Variants in SLC3A1 observed in about 807,000 individuals in gnomAD.
SLC3A1 encodes amino acid transporter heavy chain SLC3A1.
In SLC3A1, 78 loss-of-function variants were observed where a neutral mutation model predicts 60.3. That is an observed-to-expected ratio of 1.29 (90% confidence interval 1.08 to 1.56). The LOEUF is 1.56. Among genes scored for constraint, SLC3A1 ranks in the 40% most tolerant of loss-of-function variants. The pLI is 0.00. For synonymous variants in SLC3A1, 392 were observed against 307.9 expected (o/e 1.27, Z -2.86); for missense variants, 1,172 against 858.9 (o/e 1.36, Z -4.56).
chr2:44,315,867 G>T (rs866916648), intron 9 of SLC3A1, among the ~76,000 whole-genome samples: 2 of 152,050 alleles, frequency 1.3e-5, no homozygotes, highest in African/African-American at 2.4e-5. Flanking sequence ...TTCTACAAGT[G>T]CATCAAAGAA....
At chr2:44,315,315 G>A (rs1046044004) in intron 9 of SLC3A1, 2 of 151,846 alleles carry the variant, frequency 1.3e-5, no homozygotes, top group African/African-American at 4.8e-5. Flanking sequence ...AAATGACCCT[G>A]GAAAGGAACA....
chr2:44,310,526 C>T (rs1285411882), intron 7 of SLC3A1, among the ~76,000 whole-genome samples: 1 of 152,150 alleles, frequency 6.6e-6, no homozygotes, highest in Non-Finnish European at 1.5e-5. Flanking sequence ...AGACTCCTTA[C>T]ATGTGATGTA....
chr2:44,312,405 C>T (rs996358117), intron 7 of SLC3A1, among the ~76,000 whole-genome samples, 181 bp from the exon 8 acceptor site: 1 of 152,096 alleles, frequency 6.6e-6, no homozygotes, highest in Non-Finnish European at 1.5e-5. Flanking sequence ...CATCAGTGGC[C>T]AAGATAATAA....
At chr2:44,293,241 G>A (rs920693486) in intron 4 of SLC3A1, among the ~76,000 whole-genome samples, 5 of 152,140 alleles carry the variant, frequency 3.3e-5, no homozygotes, top group Non-Finnish European at 7.4e-5. Flanking sequence ...ACACTGGGCT[G>A]GGCACAGTGG....
At chr2:44,290,590 T>C (rs1671720387) in intron 4 of SLC3A1, among the ~76,000 whole-genome samples, 1 of 152,216 alleles carries the variant, frequency 6.6e-6, no homozygotes, top group Non-Finnish European at 1.5e-5. Flanking sequence ...TACGTGTTCT[T>C]TCATTTCTTT....
At chr2:44,314,408 A>T (rs1672375804) in intron 9 of SLC3A1, 1 of 237,296 alleles carries the variant, frequency 4.2e-6, no homozygotes, top group Admixed American at 5.0e-5. Flanking sequence ...CATGATCCTT[A>T]AAGTGGTTGC....
At chr2:44,301,682 C>A (rs993450262) in intron 6 of SLC3A1, among the ~76,000 whole-genome samples, 1 of 132,692 alleles carries the variant, frequency 7.5e-6, no homozygotes, top group Non-Finnish European at 1.5e-5. Flanking sequence ...GAGGTTGCAG[C>A]GAGTCAAGAT....
intron 4 of SLC3A1, among the ~76,000 whole-genome samples, chr2:44,293,536 T>C (rs1451460556): frequency 6.6e-6 from 1 of 151,296 alleles, no homozygotes; most frequent in Non-Finnish European, 1.5e-5. Flanking sequence ...AAAAAAAAGA[T>C]ATAAGGACAC....
At chr2:44,315,826 A>G (rs1672424604) in intron 9 of SLC3A1, among the ~76,000 whole-genome samples, 1 of 152,144 alleles carries the variant, frequency 6.6e-6, no homozygotes, top group African/African-American at 2.4e-5. Context: ...GATCACATGC[A>G]TGGCAGAATT....
chr2:44,281,387 G>C lies in SLC3A1; in HGVS notation c.611G>C (p.Gly204Ala). The C allele has an allele frequency of 6.2e-7, 1 of 1,611,356 alleles. No homozygotes were observed. The highest frequency in any genetic ancestry group is 1.7e-4 in the Middle Eastern group (1 of 6,056). The change falls in exon 3 of 10, where the codon GGT becomes GCT. Residue 204 changes from glycine to alanine, a missense_variant and splice_region_variant. By Grantham distance (60) the Gly-to-Ala change is moderately conservative (BLOSUM62 0). Transcript: ENST00000260649. ...ATTTGAAATGTCTTTTACTCATTAG[G>C]TTTAAAATTAATCATCGATTTCATA... is the stretch of plus-strand genomic sequence containing the variant. The part of the protein sequence containing the change: ...ENLVAAIHDK[G>A]LKLIIDFIPN...
At chr2:44,291,654 C>T (rs1342684639) in intron 4 of SLC3A1, among the ~76,000 whole-genome samples, 1 of 152,170 alleles carries the variant, frequency 6.6e-6, no homozygotes, top group East Asian at 1.9e-4. Flanking sequence ...CCACCTTACC[C>T]CCAGCAGCGC....
chr2:44,321,375 T>C lies in SLC3A1; in HGVS notation c.*736T>C. ...AGTGTTTCAGAATTTCAGGTATTTC[T>C]TAAGATCCTCGAAAACACTGGTGCT... On this transcript the variant is annotated 3_prime_UTR_variant, in exon 10 of 10. Transcript: ENST00000260649. The C allele has an allele frequency of 1.2e-6, 2 of 1,609,918 alleles. No homozygotes were observed. Among genetic ancestry groups the C allele is most frequent in the Non-Finnish European group, 1.7e-6 (2 of 1,176,360 alleles).
downstream of SLC3A1, among the ~76,000 whole-genome samples, chr2:44,322,073 C>G (rs1425616067): frequency 6.6e-6 from 1 of 152,062 alleles, no homozygotes; most frequent in African/African-American, 2.4e-5. Flanking sequence ...CAACAGAAGA[C>G]AAACTTCTGA....
intron 7 of SLC3A1, among the ~76,000 whole-genome samples, chr2:44,306,156 A>G (rs1229098309): frequency 6.6e-6 from 1 of 152,146 alleles, no homozygotes; most frequent in East Asian, 1.9e-4. Context: ...GAGTTGCCTT[A>G]CACTAGTCAA....
chr2:44,306,554 T>C (rs927428774), intron 7 of SLC3A1, among the ~76,000 whole-genome samples: 2 of 122,752 alleles, frequency 1.6e-5, no homozygotes, highest in African/African-American at 7.3e-5. Context: ...ATAAAACTTT[T>C]TTTTTTTTTT....
At chr2:44,314,103 T>C in intron 9 of SLC3A1, 152 bp downstream of exon 9, 1 of 1,523,494 alleles carries the variant, frequency 6.6e-7, no homozygotes, top group Non-Finnish European at 8.9e-7. Context: ...TGTAAGGAGT[T>C]TGTAAATCAT....
chr2:44,305,748 T>G (rs1672139272), intron 7 of SLC3A1, among the ~76,000 whole-genome samples: 1 of 151,876 alleles, frequency 6.6e-6, no homozygotes, highest in South Asian at 2.1e-4. Context: ...TTTAATATAT[T>G]ATAAATGTAA....
intron 3 of SLC3A1, among the ~76,000 whole-genome samples, chr2:44,282,391 A>G (rs953564895): frequency 6.6e-6 from 1 of 151,928 alleles, no homozygotes; most frequent in Non-Finnish European, 1.5e-5. Context: ...CAAACATCGT[A>G]TCTGCCTCTA....
rs1346961490 is a variant in SLC3A1, at chr2:44,301,131, G to T, written c.1136+4G>T. The T allele has an allele frequency of 7.4e-6, 12 of 1,613,674 alleles. No homozygotes were observed. The highest frequency in any genetic ancestry group is 1.7e-5 in the Admixed American group (1 of 59,984). On this transcript the variant is annotated splice_donor_region_variant and intron_variant, in intron 6 of 9. Transcript: ENST00000260649. ...GCACGGAGCCCGGCAGATACAGGTTGACCACGGCATATGCTCTCATTTCTT... is the reference window on the plus strand; with the variant it reads ...GCACGGAGCCCGGCAGATACAGGTTTACCACGGCATATGCTCTCATTTCTT...
Sources: allele counts gnomAD v4.1 joint callset (sites outside exome capture counted in the v4.1 genomes callset), GRCh38; gene constraint gnomAD v4.1.1; transcripts MANE v1.5; gene names NCBI Gene and HGNC (gene_info 2026-07-23, HGNC 2026-07-21).